The following ATP2B3 variants were observed in gnomAD, a reference collection of about 807,000 sequenced individuals.
The protein encoded by ATP2B3 is plasma membrane calcium-transporting ATPase 3.
ATP2B3 carries 12 observed loss-of-function variants against 70.8 expected under a neutral mutation model. The observed-to-expected ratio is 0.17, with a 90% CI of 0.11 to 0.27. The LOEUF is 0.27. ATP2B3 is among the 10% of genes least tolerant of loss of function. ATP2B3 has a pLI of 1.00. For synonymous variants in ATP2B3, 460 were observed against 497.8 expected, an observed-to-expected ratio of 0.92 and a Z score of 1.01; for missense variants, 858 against 1,118.5, an observed-to-expected ratio of 0.77 and a Z score of 3.32.
chrX:153,542,374 T>A lies in ATP2B3; in HGVS notation c.716T>A (p.Ile239Asn), dbSNP rs2090299734. ...CTCATCCAGGCCAATGACCTCAAGATCGACGAGAGCTCCCTGACGGGCGAG... is the reference window on the plus strand; with the variant it reads ...CTCATCCAGGCCAATGACCTCAAGAACGACGAGAGCTCCCTGACGGGCGAG... Reference protein sequence around the residue: ...GVLIQANDLKIDESSLTGESD... With the variant: ...GVLIQANDLKNDESSLTGESD... Residue 239 changes from isoleucine (I) to asparagine (N), a missense_variant, in exon 6 of 22, where the codon ATC becomes AAC. Ile to Asn is a moderately radical substitution (Grantham distance 149, BLOSUM62 -3). Around this residue, in one of 5 missense-constraint regions of ATP2B3, gnomAD observed 278 missense variants for 366.2 expected, o/e 0.76. Transcript: ENST00000263519. 1 of 1,211,267 alleles carries A rather than the reference T, an allele frequency of 8.3e-7. No individual in the cohort carries two copies. Among genetic ancestry groups the A allele is most frequent in the Admixed American group, 2.2e-5 (1 of 46,077 alleles).
At chrX:153,579,950 C>T (rs782175205) in intron 21 of ATP2B3, 28 bp from the exon 22 acceptor site, 5 of 1,176,840 alleles carry the variant, frequency 4.2e-6, no homozygotes, top group South Asian at 1.8e-5. Flanking sequence ...TCCCACCTCG[C>T]GCCCTGTCCC....
chrX:153,552,123 T>A (rs2090467093), intron 12 of ATP2B3, among the ~76,000 whole-genome samples: 1 of 112,307 alleles, frequency 8.9e-6, no homozygotes, highest in East Asian at 2.8e-4. Flanking sequence ...GCCTCAGCCC[T>A]CTTTCTGTGC....
Position 153,541,348 on chromosome X carries a change from G to T in ATP2B3, c.209-11G>T, listed in dbSNP as rs1569534029. 8.3e-7 allele frequency: 1 copy of T among 1,211,734 alleles called. No homozygotes were observed. The highest frequency in any genetic ancestry group is 1.1e-6 in the Non-Finnish European group (1 of 895,422). ...CATCCTCCCCTTCTGTGCTTCCGGG[G>T]CACCATGCAGGCCTGGCGGACAACA... On this transcript the variant is annotated splice_polypyrimidine_tract_variant and intron_variant, in intron 3 of 21. Coordinates refer to ENST00000263519, the MANE Select transcript of ATP2B3 (RefSeq NM_001001344.3).
At chrX:153,546,209 G>T in intron 8 of ATP2B3, 80 bp downstream of exon 8, 1 of 1,126,019 alleles carries the variant, frequency 8.9e-7, no homozygotes, top group Non-Finnish European at 1.2e-6. Flanking sequence ...GTTGGGGGAG[G>T]TTCACCTGCC....
chrX:153,573,031 G>A (rs970564502), intron 21 of ATP2B3, among the ~76,000 whole-genome samples: 3 of 112,497 alleles, frequency 2.7e-5, no homozygotes, highest in Admixed American at 9.3e-5. Context: ...CGCCACACCA[G>A]GCCTGTGTGA....
chrX:153,549,340 G>A (rs1216785337), intron 10 of ATP2B3, among the ~76,000 whole-genome samples, 157 bp from the exon 11 acceptor site: 4 of 111,637 alleles, frequency 3.6e-5, no homozygotes, highest in Non-Finnish European at 5.7e-5. Context: ...TTACAGCCTC[G>A]CTATTGGCTC....
intron 13 of ATP2B3, among the ~76,000 whole-genome samples, chrX:153,553,678 G>A (rs954915739): frequency 2.7e-5 from 3 of 112,493 alleles, no homozygotes; most frequent in South Asian, 3.7e-4. Flanking sequence ...GTCCTGTGGC[G>A]AGCTCACAGC....
At chrX:153,568,890 C>T (rs1557019002) in intron 21 of ATP2B3, among the ~76,000 whole-genome samples, 1 of 112,756 alleles carries the variant, frequency 8.9e-6, no homozygotes, top group Non-Finnish European at 1.9e-5. Flanking sequence ...CACATCATCT[C>T]CAGTGAGACG....
chrX:153,575,665 G>T (rs1378645879), intron 21 of ATP2B3, among the ~76,000 whole-genome samples: 2 of 112,038 alleles, frequency 1.8e-5, no homozygotes, highest in Non-Finnish European at 3.8e-5. Context: ...GGTTGGGCCT[G>T]CTAAGTTTGA....
At chrX:153,550,340 G>C (rs2090438034) in intron 12 of ATP2B3, 54 bp downstream of exon 12, 1 of 1,198,755 alleles carries the variant, frequency 8.3e-7, no homozygotes, top group African/African-American at 1.7e-5. Context: ...TGATTCTATT[G>C]TCGTGGTAAA....
chrX:153,573,735 C>T (rs888299640), intron 21 of ATP2B3, among the ~76,000 whole-genome samples: 11 of 112,760 alleles, frequency 9.8e-5, no homozygotes, highest in Admixed American at 4.6e-4. Context: ...TCAGCCAGTA[C>T]GGAGGCAAGG....
At chrX:153,551,016 C>CT (rs1159086218) in intron 12 of ATP2B3, among the ~76,000 whole-genome samples, 1 of 112,793 alleles carries the variant, frequency 8.9e-6, no homozygotes, top group Non-Finnish European at 1.9e-5. Flanking sequence ...TCGTTTCCAC[C>CT]TTTTGGCTGT....
chrX:153,550,114 G>C lies in ATP2B3; in HGVS notation c.1651G>C (p.Val551Leu), dbSNP rs1428716008. The change falls in exon 12 of 22, where the codon GTC becomes CTC. Residue 551 changes from valine to leucine, a missense_variant. By Grantham distance (32) the Val-to-Leu change is conservative (BLOSUM62 1). Around this residue, in one of 5 missense-constraint regions of ATP2B3, gnomAD observed 242 missense variants for 281.3 expected, o/e 0.86. Coordinates refer to ENST00000263519, the MANE Select transcript of ATP2B3 (RefSeq NM_001001344.3). ...NKTECALLGF[V>L]LDLKRDFQPV... ...GACGGAGTGCGCCCTGCTGGGCTTCGTCTTGGACCTGAAGCGGGACTTCCA... is the reference window on the plus strand; with the variant it reads ...GACGGAGTGCGCCCTGCTGGGCTTCCTCTTGGACCTGAAGCGGGACTTCCA... 4 of 1,211,631 alleles carry C rather than the reference G, an allele frequency of 3.3e-6. No individual in the cohort carries two copies. Among genetic ancestry groups the C allele is most frequent in the Non-Finnish European group, 4.5e-6 (4 of 895,537 alleles).
chrX:153,572,435 G>A (rs560176750), intron 21 of ATP2B3, among the ~76,000 whole-genome samples: 2 of 112,596 alleles, frequency 1.8e-5, no homozygotes, highest in East Asian at 2.8e-4. Context: ...GAGAAGGGCC[G>A]GTGGTTGGTA....
chrX:153,544,284 T>C (rs6643623), intron 7 of ATP2B3, among the ~76,000 whole-genome samples: 8,019 of 112,234 alleles, frequency 0.071, 270 homozygotes, highest in South Asian at 0.13. Context: ...CCTCCTCATG[T>C]CTTGCACACA....
At chrX:153,557,649 C>T (rs565486919) in intron 16 of ATP2B3, among the ~76,000 whole-genome samples, 2 of 112,047 alleles carry the variant, frequency 1.8e-5, no homozygotes, top group Admixed American at 1.9e-4. Context: ...GAGAGGACTG[C>T]GCAGCTTGGC....
At chrX:153,579,466 T>A (rs1434059335) in intron 21 of ATP2B3, among the ~76,000 whole-genome samples, 9 of 112,452 alleles carry the variant, frequency 8.0e-5, no homozygotes, top group African/African-American at 2.6e-4. Flanking sequence ...CTTCGGACTT[T>A]CTGGTAAGAT....
chrX:153,569,036 C>T (rs1370243111), intron 21 of ATP2B3, among the ~76,000 whole-genome samples: 1 of 112,527 alleles, frequency 8.9e-6, no homozygotes, highest in Non-Finnish European at 1.9e-5. Flanking sequence ...GGGGACAAAG[C>T]GAAGCCACGG....
intron 21 of ATP2B3, among the ~76,000 whole-genome samples, chrX:153,579,091 T>C (rs5945150): frequency 0.43 from 47,065 of 110,664 alleles, 7,448 homozygotes; most frequent in East Asian, 0.54. Flanking sequence ...GTGGCCAGGG[T>C]GGAGAGGTAT....
Sources: gnomAD v4.1 joint callset for allele counts (sites outside exome capture counted in the v4.1 genomes callset) on GRCh38, gnomAD v4.1.1 for gene constraint, gnomAD v4.1.1 regional missense constraint, MANE v1.5 for transcripts, NCBI Gene and HGNC (gene_info 2026-07-23, HGNC 2026-07-21) for gene names.